Variants in CASP6 observed in about 807,000 individuals in gnomAD.
CASP6 encodes the protein caspase 6, also known as caspase-6.
In CASP6, 20 loss-of-function variants were observed where a neutral mutation model predicts 31.8. The ratio of observed to expected loss-of-function variants is 0.63; its 90% confidence interval spans 0.44 to 0.91. CASP6 has a LOEUF of 0.91. Among genes scored for constraint, CASP6 ranks in the 40% least tolerant of loss-of-function variants. The pLI is 0.00. For missense variants in CASP6, 328 were observed against 361.1 expected (o/e 0.91, Z 0.74); for synonymous variants, 130 against 127.8 (o/e 1.02, Z -0.12).
the CASP6 span, among the ~76,000 whole-genome samples, chr4:109,674,783 T>C: frequency 6.6e-6 from 1 of 152,254 alleles, no homozygotes; most frequent in Non-Finnish European, 1.5e-5. Flanking sequence ...ATTAGAATAA[T>C]TTTTAAATGT....
the CASP6 span, among the ~76,000 whole-genome samples, chr4:109,679,565 C>T: frequency 1.3e-5 from 2 of 151,976 alleles, no homozygotes; most frequent in Admixed American, 6.5e-5. Context: ...GAGGTTGCAG[C>T]GAGCCGAGAT....
chr4:109,691,127 G>T, intron 5 of CASP6, 118 bp from the exon 6 acceptor site: 1 of 1,114,316 alleles, frequency 9.0e-7, no homozygotes, highest in Non-Finnish European at 1.2e-6. Flanking sequence ...CACATTCTGA[G>T]CAGTTCAGAA....
chr4:109,678,007 G>A, the CASP6 span, among the ~76,000 whole-genome samples: 1 of 151,782 alleles, frequency 6.6e-6, no homozygotes, highest in Admixed American at 6.6e-5. Context: ...AGATTAGGGA[G>A]TGGTGATGAC....
chr4:109,679,130 G>A, the CASP6 span, among the ~76,000 whole-genome samples: 3 of 151,312 alleles, frequency 2.0e-5, no homozygotes, highest in Middle Eastern at 0.01. Flanking sequence ...TCCCAGACGG[G>A]ATGGCCGGGC....
At chr4:109,706,131 T>TTTTA (rs1730607258), upstream of CASP6, among the ~76,000 whole-genome samples, 1 of 36,110 alleles carries the variant, frequency 2.8e-5, no homozygotes, top group Non-Finnish European at 4.9e-5. Flanking sequence ...CCTATCCATT[T>TTTTA]TATATATATA....
upstream of CASP6, among the ~76,000 whole-genome samples, chr4:109,706,001 AATATATATATATATAT>A (rs58700813): frequency 3.2e-5 from 1 of 31,676 alleles, no homozygotes; most frequent in Non-Finnish European, 5.7e-5. Context: ...AAAAAAAAAA[AATATATATATATATAT>A]ATATATATAT....
the CASP6 span, among the ~76,000 whole-genome samples, chr4:109,668,874 A>G: frequency 1.4e-3 from 207 of 152,166 alleles, no homozygotes; most frequent in African/African-American, 4.9e-3. Context: ...TCCACTTTCA[A>G]ATAACATTAT....
chr4:109,695,302 CAT>C (rs1408773573), intron 4 of CASP6, among the ~76,000 whole-genome samples: 9 of 152,038 alleles, frequency 5.9e-5, no homozygotes, highest in Non-Finnish European at 1.2e-4. Context: ...ATGTGGAAAA[CAT>C]AAAGGGATTA....
the CASP6 span, among the ~76,000 whole-genome samples, chr4:109,667,612 A>G: frequency 6.6e-6 from 1 of 150,650 alleles, no homozygotes; most frequent in African/African-American, 2.4e-5. Context: ...ATAATATAGA[A>G]TAGAATATAT....
the CASP6 span, among the ~76,000 whole-genome samples, chr4:109,676,642 T>C: frequency 2.6e-5 from 4 of 152,252 alleles, no homozygotes; most frequent in South Asian, 4.1e-4. Flanking sequence ...GCAGTAACTC[T>C]GCTCCTAGTA....
chr4:109,684,898 T>C, downstream of CASP6: 1 of 408,158 alleles, frequency 2.5e-6, no homozygotes, highest in Non-Finnish European at 4.3e-6. Flanking sequence ...GTGTTCTCTG[T>C]GCCCTCATTT....
the CASP6 span, among the ~76,000 whole-genome samples, chr4:109,676,139 G>C: frequency 6.6e-6 from 1 of 152,164 alleles, no homozygotes; most frequent in Admixed American, 6.5e-5. Context: ...GCCATGAACA[G>C]AGTGTTAAGG....
At chr4:109,673,718 G>A in the CASP6 span, 1 of 487,288 alleles carries the variant, frequency 2.1e-6, no homozygotes, top group Non-Finnish European at 3.6e-6. Context: ...TTTGGGGTAT[G>A]AAAATTAAGT....
chr4:109,674,052 T>C, the CASP6 span: 5 of 1,373,980 alleles, frequency 3.6e-6, no homozygotes, highest in Non-Finnish European at 5.2e-6. Flanking sequence ...CCCAAGGCTT[T>C]GTTGTAGGAG....
At position 109,694,649 on chromosome 4, in the gene CASP6, C is replaced by G. The variant is rs1281439734; in HGVS notation, c.359G>C (p.Ser120Thr). The G allele has an allele frequency of 1.5e-5, 24 of 1,611,746 alleles. No homozygotes were observed. In the East Asian group the frequency reaches 3.3e-4, roughly 22 times the overall value. ...ATAAATGTGATTGCCTTCGCCATGG[C>G]TCAGGAAGACACACACAAAGCAATC... ...DADCFVCVFL[S>T]HGEGNHIYAY... Residue 120 changes from serine to threonine, a missense_variant, in exon 5 of 7, where the codon AGC becomes ACC. Transcript: ENST00000265164.
intron 6 of CASP6, 65 bp downstream of exon 6, chr4:109,690,785 A>C (rs762762189): frequency 1.3e-6 from 2 of 1,507,342 alleles, no homozygotes; most frequent in Non-Finnish European, 1.8e-6. Context: ...AAACCAATCA[A>C]AGGTGAAACT....
At chr4:109,705,584 G>A (rs186550599), upstream of CASP6, among the ~76,000 whole-genome samples, 322 of 152,188 alleles carry the variant, frequency 2.1e-3, no homozygotes, top group African/African-American at 7.4e-3. Context: ...TTCATCATTC[G>A]AGATGCCATT....
chr4:109,672,135 T>G, the CASP6 span, among the ~76,000 whole-genome samples: 1 of 152,156 alleles, frequency 6.6e-6, no homozygotes, highest in African/African-American at 2.4e-5. Flanking sequence ...TACAAGAGTT[T>G]CTTAGCCTCT....
rs763292100 is a variant in CASP6 at position 109,690,959 on chromosome 4, T to C, written c.534A>G (p.Val178=). 3.7e-6 allele frequency: 6 copies of C among 1,613,836 alleles called. No homozygotes were observed. Among genetic ancestry groups the C allele is most frequent in the Non-Finnish European group, 5.1e-6 (6 of 1,179,914 alleles). ...TGTCCAACTTCTCTGTCTGATTATCTACTACATCCAAAGGAATGACTGGCA... is the reference window on the plus strand; with the variant it reads ...TGTCCAACTTCTCTGTCTGATTATCCACTACATCCAAAGGAATGACTGGCA... ...HDVPVIPLDV[V]DNQTEKLDTN... Residue 178 remains valine (V), a synonymous_variant, in exon 6 of 7, where the codon GTA becomes GTG. Coordinates refer to ENST00000265164, the MANE Select transcript of CASP6 (RefSeq NM_001226.4).
Sources: gnomAD v4.1 joint callset for allele counts (sites outside exome capture counted in the v4.1 genomes callset) on GRCh38, gnomAD v4.1.1 for gene constraint, MANE v1.5 for transcripts, NCBI Gene and HGNC (gene_info 2026-07-23, HGNC 2026-07-21) for gene names.